The following ARL17B variants were observed in gnomAD, a reference collection of about 807,000 sequenced individuals.
ARL17B encodes ARF like GTPase 17B, also known as ADP-ribosylation factor-like protein 17.
Position 46,337,483 on chromosome 17 carries a change from C to T in ARL17B, c.*2017G>A. ...CTGGTTTAAAGATCTGTACAAACCT[C>T]TCAGTGCCACAAGAATAAATAATCA... is the stretch of plus-strand genomic sequence containing the variant. On this transcript the variant is annotated 3_prime_UTR_variant, in exon 4 of 4. Transcript: ENST00000450673. 1.3e-6 allele frequency: 1 copy of T among 783,146 alleles called. No individual in the cohort carries two copies. 48.5% of individuals were successfully genotyped at this position (783,146 alleles called of 1,614,324 possible). A position where few individuals can be genotyped will look rare whatever the true frequency, so the allele number is the denominator to read the frequency against.
intron 4 of ARL17B, among the ~76,000 whole-genome samples, chr17:46,279,500 CTTT>C (rs369361891): frequency 3.3e-4 from 41 of 122,450 alleles, no homozygotes; most frequent in Non-Finnish European, 3.8e-4. Flanking sequence ...TTCTTTCTTT[CTTT>C]TTTTTTTTTT....
At chr17:46,283,778 T>G (rs1180243856) in intron 4 of ARL17B, among the ~76,000 whole-genome samples, 2 of 152,182 alleles carry the variant, frequency 1.3e-5, no homozygotes. Flanking sequence ...CTGAGTTCCC[T>G]TCATATTTAT....
intron 4 of ARL17B, among the ~76,000 whole-genome samples, chr17:46,288,155 A>ACTATTTT (rs2049968363): frequency 7.2e-6 from 1 of 139,810 alleles, no homozygotes; most frequent in Non-Finnish European, 1.7e-5. Flanking sequence ...GTTACCACTA[A>ACTATTTT]CTTTTTTCTT....
At chr17:46,286,123 A>G (rs1340826687) in intron 4 of ARL17B, among the ~76,000 whole-genome samples, 3 of 152,272 alleles carry the variant, frequency 2.0e-5, no homozygotes, top group Non-Finnish European at 4.4e-5. Flanking sequence ...TGTGAGTTCA[A>G]AACAGATGGG....
At chr17:46,288,696 C>CTTTTTTTTTTT (rs2049984588) in intron 4 of ARL17B, among the ~76,000 whole-genome samples, 1 of 148,010 alleles carries the variant, frequency 6.8e-6, no homozygotes, top group Admixed American at 6.8e-5. Context: ...TTTACTGCAT[C>CTTTTTTTTTTT]TTGTTTTTTC....
chr17:46,317,149 G>C (rs1181382353), intron 3 of ARL17B, among the ~76,000 whole-genome samples: 2 of 89,242 alleles, frequency 2.2e-5, no homozygotes, highest in South Asian at 4.4e-4. Flanking sequence ...ATGGGGTGGC[G>C]GCCGGGCAGA....
At chr17:46,286,819 A>G (rs181747476) in intron 4 of ARL17B, among the ~76,000 whole-genome samples, 433 of 152,176 alleles carry the variant, frequency 2.8e-3, no homozygotes, top group Non-Finnish European at 4.6e-3. Context: ...TGTTCTGCAG[A>G]TACAGTACAA....
At chr17:46,342,632 A>ATTT (rs748174381) in intron 3 of ARL17B, among the ~76,000 whole-genome samples, 1,301 of 56,032 alleles carry the variant, frequency 0.023, 39 homozygotes, top group Middle Eastern at 0.061. Context: ...CTTAAGGACA[A>ATTT]TTTTTTTTTT....
At chr17:46,275,800 A>C (rs2049570342) in intron 4 of ARL17B, among the ~76,000 whole-genome samples, 1 of 152,250 alleles carries the variant, frequency 6.6e-6, no homozygotes, top group South Asian at 2.1e-4. Flanking sequence ...ATAAAGGGAA[A>C]AATTATGCTA....
intron 4 of ARL17B, among the ~76,000 whole-genome samples, chr17:46,278,197 T>C (rs555740167): frequency 6.6e-6 from 1 of 152,052 alleles, no homozygotes; most frequent in East Asian, 2.0e-4. Flanking sequence ...CCACCCGCCT[T>C]GGCCTTCCCA....
chr17:46,332,941 A>G (rs535173264), downstream of ARL17B, among the ~76,000 whole-genome samples: 212 of 151,470 alleles, frequency 1.4e-3, 3 homozygotes, highest in African/African-American at 4.7e-3. Context: ...ACCCAAAACT[A>G]TGTCAACAAT....
chr17:46,334,636 G>A (rs1204353412), downstream of ARL17B: 1 of 52,426 alleles, frequency 1.9e-5, no homozygotes, highest in East Asian at 9.9e-4. Context: ...TGCCCAGGCT[G>A]GTTTTCCTGC....
intron 4 of ARL17B, among the ~76,000 whole-genome samples, chr17:46,279,205 A>T: frequency 7.6e-6 from 1 of 130,844 alleles, no homozygotes; most frequent in Non-Finnish European, 1.6e-5. Context: ...TTTTTTTGAG[A>T]CAGAGTCTCG....
chr17:46,288,716 T>C, intron 4 of ARL17B, among the ~76,000 whole-genome samples: 1 of 151,888 alleles, frequency 6.6e-6, no homozygotes, highest in East Asian at 1.9e-4. Flanking sequence ...CTTTTTTTTT[T>C]TTTTTGAGAC....
chr17:46,280,279 G>A (rs2696521), intron 4 of ARL17B, among the ~76,000 whole-genome samples: 18,698 of 150,054 alleles, frequency 0.12, 2 homozygotes, highest in Middle Eastern at 0.19. Context: ...CAGGAGAATC[G>A]CTTGAACGCG....
intron 4 of ARL17B, among the ~76,000 whole-genome samples, chr17:46,287,449 G>C (rs1160060767): frequency 6.6e-6 from 1 of 152,234 alleles, no homozygotes; most frequent in Admixed American, 6.5e-5. Flanking sequence ...ACACCAAGTA[G>C]AAGTTACACT....
chr17:46,291,772 TGAC>T (rs1387733874), intron 4 of ARL17B, among the ~76,000 whole-genome samples: 1 of 150,762 alleles, frequency 6.6e-6, no homozygotes, highest in Non-Finnish European at 1.5e-5. Context: ...AAAAAAACAA[TGAC>T]AACAACAATA....
At chr17:46,332,240 A>G (rs897420264), downstream of ARL17B, among the ~76,000 whole-genome samples, 1 of 44,672 alleles carries the variant, frequency 2.2e-5, no homozygotes, top group African/African-American at 1.3e-4. Context: ...GATTACTTGA[A>G]GTCAGGAGTT....
intron 4 of ARL17B, among the ~76,000 whole-genome samples, chr17:46,283,877 C>T (rs1439218962): frequency 6.6e-6 from 1 of 152,218 alleles, no homozygotes; most frequent in Non-Finnish European, 1.5e-5. Flanking sequence ...AACACATGAA[C>T]AAAGGTCTCT....
Sources: allele counts gnomAD v4.1 joint callset (sites outside exome capture counted in the v4.1 genomes callset), GRCh38; gene constraint gnomAD v4.1.1; transcripts MANE v1.5; gene names NCBI Gene and HGNC (gene_info 2026-07-23, HGNC 2026-07-21).